The following CUL9 variants were observed in gnomAD, a reference collection of about 807,000 sequenced individuals.
CUL9 encodes cullin-9.
In CUL9, 79 loss-of-function variants were observed where a neutral mutation model predicts 272.6. The observed-to-expected ratio is 0.29, with a 90% CI of 0.24 to 0.35. CUL9 has a LOEUF of 0.35. Among genes scored for constraint, CUL9 ranks in the 10% least tolerant of loss-of-function variants. The pLI, the probability that CUL9 is intolerant of heterozygous loss-of-function variation, is 1.00. For synonymous variants in CUL9, 1,186 were observed against 1,286.5 expected (o/e 0.92, Z 1.67); for missense variants, 2,532 against 3,255.6 (o/e 0.78, Z 5.41).
At position 43,187,888 on chromosome 6, in the gene CUL9, G is replaced by A. The variant is rs377731849; in HGVS notation, c.1757G>A (p.Arg586Gln). ...SNEPSSSSTS[R>Q]NHSCTPDPEE... is the part of the protein sequence containing the mutation. ...GAACCAAGCAGCTCGTCTACTTCAC[G>A]AAATCACTCCTGTACCCCAGATCCA... The change falls in exon 7 of 41, where the codon CGA (arginine) becomes CAA (glutamine). Residue 586 changes from arginine to glutamine, a missense_variant. Arg to Gln is a conservative substitution (Grantham distance 43, BLOSUM62 1). This residue lies in a region of CUL9 where 2,218 missense variants were observed against 2,788.6 expected (regional missense o/e 0.80). Coordinates refer to ENST00000252050, the MANE Select transcript of CUL9 (RefSeq NM_015089.4). The A allele has an allele frequency of 2.4e-5, 39 of 1,613,934 alleles. No individual in the cohort carries two copies. The highest frequency in any genetic ancestry group is 2.0e-4 in the Admixed American group (12 of 59,996).
chr6:43,196,024 G>A, intron 9 of CUL9, 45 bp from the exon 10 acceptor site: 1 of 1,544,576 alleles, frequency 6.5e-7, no homozygotes, highest in Non-Finnish European at 8.9e-7. Flanking sequence ...TTTCCTCATG[G>A]TGACTCTGCC....
At chr6:43,204,298 GC>G in intron 20 of CUL9, 61 bp from the exon 21 acceptor site, 2 of 1,581,050 alleles carry the variant, frequency 1.3e-6, no homozygotes, top group Non-Finnish European at 1.7e-6. Context: ...TCCCTCCTCT[GC>G]CCTGAGCTGT....
chr6:43,188,005 C>T lies in CUL9; in HGVS notation c.1874C>T (p.Pro625Leu), dbSNP rs1256272208. 1 of 1,613,882 alleles carries T rather than the reference C, an allele frequency of 6.2e-7. No individual in the cohort carries two copies. ...KAEAPKTEAE[P>L]TKTRTETPMA... ...GAGGCCCCTAAGACAGAGGCCGAGC[C>T]CACCAAGACAAGGACCGAGACCCCC... is the stretch of plus-strand genomic sequence containing the variant. The change falls in exon 7 of 41, where the codon CCC becomes CTC. Residue 625 changes from proline to leucine, a missense_variant. This residue lies in a region of CUL9 where 2,218 missense variants were observed against 2,788.6 expected (regional missense o/e 0.80). Transcript: ENST00000252050.
At position 43,220,885 on chromosome 6, in the gene CUL9, T is replaced by C. The variant is rs1776308184; in HGVS notation, c.6562T>C (p.Ser2188Pro). The change falls in exon 33 of 41, where the codon TCT becomes CCT. Residue 2188 changes from serine to proline, a missense_variant. By Grantham distance (74) the Ser-to-Pro change is moderately conservative. Coordinates refer to ENST00000252050, the MANE Select transcript of CUL9 (RefSeq NM_015089.4). The surrounding 1 kb of genome is among the most constrained non-coding windows in gnomAD (Gnocchi z 4.9). ...GTTCSKCGWA[S>P]CFNCSFPEAH... ...CACCTGCTCCAAGTGTGGCTGGGCC[T>C]CTTGCTTCAACTGTAGCTTCCCTGA... 2.5e-6 allele frequency: 4 copies of C among 1,612,834 alleles called. No individual in the cohort carries two copies. The highest frequency in any genetic ancestry group is 2.2e-5 in the South Asian group (2 of 90,936).
At position 43,199,945 on chromosome 6, in the gene CUL9, C is replaced by A. The variant is rs766666539; in HGVS notation, c.3173C>A (p.Thr1058Asn). 20 of 1,614,072 alleles carry A rather than the reference C, an allele frequency of 1.2e-5. No homozygotes were observed. The highest frequency in any genetic ancestry group is 1.6e-5 in the Non-Finnish European group (19 of 1,179,942). ...SSDSEIVQEL[T>N]CFLHRLASMH... is the part of the protein sequence containing the mutation. Reference sequence around the variant, plus strand: ...TGGGCTCAGATTGTTCAGGAGCTGACCTGCTTCCTACATCGCCTGGCCTCG... The same window carrying A: ...TGGGCTCAGATTGTTCAGGAGCTGAACTGCTTCCTACATCGCCTGGCCTCG... The change falls in exon 14 of 41, where the codon ACC becomes AAC. Residue 1058 changes from threonine to asparagine, a missense_variant. Coordinates refer to ENST00000252050, the MANE Select transcript of CUL9 (RefSeq NM_015089.4). The surrounding 1 kb of genome is among the most constrained non-coding windows in gnomAD (Gnocchi z 4.4).
rs539204809 is a variant in CUL9 at position 43,199,381 on chromosome 6, C to T, written c.3156+10C>T. 4 of 1,606,124 alleles carry T rather than the reference C, an allele frequency of 2.5e-6. No homozygotes were observed. The highest frequency in any genetic ancestry group is 3.4e-6 in the Non-Finnish European group (4 of 1,173,296). On this transcript the variant is annotated intron_variant, in intron 13 of 40. Transcript: ENST00000252050. The surrounding 1 kb of genome is among the most constrained non-coding windows in gnomAD (Gnocchi z 4.4). ...TAGCAGTGACTCCGAGGTACCAGAA[C>T]CCTGGCAAGGAGAAGAGAGGGAAGG...
intron 29 of CUL9, 51 bp from the exon 30 acceptor site, chr6:43,215,017 TTGAGCCCAGCA>T: frequency 6.6e-7 from 1 of 1,513,516 alleles, no homozygotes; most frequent in Non-Finnish European, 8.9e-7. Context: ...GAGCTGGGCA[TTGAGCCCAGCA>T]GCCTGCTCCC....
intron 9 of CUL9, among the ~76,000 whole-genome samples, chr6:43,194,521 A>G (rs1446178127): frequency 2.0e-5 from 3 of 150,672 alleles, no homozygotes; most frequent in Non-Finnish European, 4.4e-5. Context: ...GGGTTTCACC[A>G]TGTTTGCCAG....
At chr6:43,201,482 T>C (rs949722558) in intron 16 of CUL9, among the ~76,000 whole-genome samples, 2 of 151,304 alleles carry the variant, frequency 1.3e-5, no homozygotes, top group African/African-American at 4.9e-5. Context: ...TTTATTTTTA[T>C]TTTTTTATAT....
chr6:43,188,413 A>G (rs1344736253), intron 7 of CUL9, 110 bp from the exon 8 acceptor site: 1 of 1,090,936 alleles, frequency 9.2e-7, no homozygotes, highest in Non-Finnish European at 1.3e-6. Flanking sequence ...AAGCTGCAGT[A>G]GCCGATAATG....
chr6:43,206,405 C>G lies in CUL9; in HGVS notation c.5107C>G (p.Arg1703Gly), dbSNP rs199801229. ...PAISILVLSPRCWPVSPLCYL... is the reference protein window; with the variant it reads ...PAISILVLSPGCWPVSPLCYL... ...CATTTCTATACTGGTCCTGTCACCA[C>G]GCTGCTGGCCCGTCTCCCCACTCTG... Residue 1703 changes from arginine (R) to glycine (G), a missense_variant, in exon 26 of 41, where the codon CGC becomes GGC. This residue lies in a region of CUL9 where 2,218 missense variants were observed against 2,788.6 expected (regional missense o/e 0.80). Coordinates refer to ENST00000252050, the MANE Select transcript of CUL9 (RefSeq NM_015089.4). The surrounding 1 kb of genome is among the most constrained non-coding windows in gnomAD (Gnocchi z 4.8). 2 of 1,614,172 alleles carry G rather than the reference C, an allele frequency of 1.2e-6. No homozygotes were observed. The highest frequency in any genetic ancestry group is 2.2e-5 in the South Asian group (2 of 91,078).
chr6:43,198,923 G>C (rs1056383747), intron 12 of CUL9, 68 bp downstream of exon 12: 1 of 1,499,690 alleles, frequency 6.7e-7, no homozygotes, highest in African/African-American at 1.4e-5. Context: ...GACTTCACTT[G>C]TTTCTTTTCT....
At chr6:43,198,582 T>C in intron 11 of CUL9, 27 bp from the exon 12 acceptor site, 1 of 1,610,068 alleles carries the variant, frequency 6.2e-7, no homozygotes. Flanking sequence ...TCATCCACAT[T>C]TTTCCCTCTG....
Position 43,193,038 on chromosome 6 carries a change from A to C in CUL9, c.2218A>C (p.Asn740His), listed in dbSNP as rs1192953053. 3.1e-6 allele frequency: 5 copies of C among 1,614,032 alleles called. No homozygotes were observed. The South Asian group carries it at 4.4e-5, about 14-fold the overall frequency. ...LVKMLVELLT[N>H]QVGEKMVVVQ... ...GAAGATGCTGGTGGAGCTGCTGACC[A>C]ACCAGGTGGGAGAGAAGATGGTGGT... The change falls in exon 9 of 41, where the codon AAC becomes CAC. Residue 740 changes from asparagine (N) to histidine (H), a missense_variant. Physicochemically the swap from Asn to His is moderately conservative, Grantham distance 68. This residue lies in a region of CUL9 where 2,218 missense variants were observed against 2,788.6 expected (regional missense o/e 0.80). Coordinates refer to ENST00000252050, the MANE Select transcript of CUL9 (RefSeq NM_015089.4).
chr6:43,190,112 G>C (rs1329889010), intron 8 of CUL9, among the ~76,000 whole-genome samples: 1 of 152,016 alleles, frequency 6.6e-6, no homozygotes, highest in African/African-American at 2.4e-5. Flanking sequence ...ATGGGACCCT[G>C]CAGTGTGGTT....
At chr6:43,186,878 T>C (rs1397145284) in intron 4 of CUL9, 82 bp from the exon 5 acceptor site, 5 of 1,531,560 alleles carry the variant, frequency 3.3e-6, no homozygotes, top group Non-Finnish European at 3.5e-6. Context: ...TGCTTGGGCA[T>C]GTCCTTTCAA....
chr6:43,218,362 G>A lies in CUL9; in HGVS notation c.6282+1859G>A, dbSNP rs1231377099. Among the ~76,000 whole-genome samples, 1 of 151,946 alleles carries A rather than the reference G, an allele frequency of 6.6e-6. No individual in the cohort carries two copies. The highest frequency in any genetic ancestry group is 1.5e-5 in the Non-Finnish European group (1 of 67,978). ...CTCCCGAGTAGCTGGGACTATAGGC[G>A]CCCGCCACCGCGCCCGGCTAATTTT... is the stretch of plus-strand genomic sequence containing the variant. On this transcript the variant is annotated intron_variant, in intron 31 of 40. Transcript: ENST00000252050. The surrounding 1 kb of genome is among the most constrained non-coding windows in gnomAD (Gnocchi z 4.4).
rs1774430441 is a variant in CUL9, at chr6:43,200,529, T to A, written c.3475+3T>A. 1 of 1,614,112 alleles carries A rather than the reference T, an allele frequency of 6.2e-7. No individual in the cohort carries two copies. Among genetic ancestry groups the A allele is most frequent in the Admixed American group, 1.7e-5 (1 of 60,002 alleles). On this transcript the variant is annotated splice_donor_region_variant and intron_variant, in intron 15 of 40. Coordinates refer to ENST00000252050, the MANE Select transcript of CUL9 (RefSeq NM_015089.4). This position sits in a 1 kb window ranked among gnomAD's most constrained non-coding sequence, Gnocchi z 4.0. The stretch of plus-strand genomic sequence containing the variant: ...GTTCCTCAGGCATCTCTGCCAGGGT[T>A]AGTGCCCTCATCTGCTTTCTCCTGG...
intron 9 of CUL9, among the ~76,000 whole-genome samples, chr6:43,195,124 A>G (rs1308757418): frequency 6.6e-6 from 1 of 152,208 alleles, no homozygotes; most frequent in African/African-American, 2.4e-5. Flanking sequence ...AACTCAGCTA[A>G]CTAGGGGAGG....
Sources: allele counts gnomAD v4.1 joint callset (sites outside exome capture counted in the v4.1 genomes callset), GRCh38; gene constraint gnomAD v4.1.1; regional missense constraint gnomAD v4.1.1; non-coding constraint Gnocchi (gnomAD v3.1); transcripts MANE v1.5; gene names NCBI Gene and HGNC (gene_info 2026-07-23, HGNC 2026-07-21).